The following PFKM variants were observed in gnomAD, a reference collection of about 807,000 sequenced individuals.
The protein encoded by PFKM is ATP-dependent 6-phosphofructokinase, muscle type.
Under a neutral mutation model 95.5 loss-of-function variants are expected in PFKM, and 58 were observed. The observed-to-expected ratio is 0.61, with a 90% CI of 0.49 to 0.76. The LOEUF is 0.76. PFKM is among the 30% of genes least tolerant of loss of function. The pLI is 0.00. For synonymous variants in PFKM, 336 were observed against 357.2 expected, an observed-to-expected ratio of 0.94 and a Z score of 0.67; for missense variants, 678 against 1,005.4, an observed-to-expected ratio of 0.67 and a Z score of 4.40.
rs746921666 is a variant in PFKM, at chr12:48,133,308, T to A, written c.428-7T>A. ...CCAGTGGCTCCTGGTTTGCTTCTCA[T>A]TGTCAGGTAAGATCACAGATGAGGA... On this transcript the variant is annotated splice_region_variant and splice_polypyrimidine_tract_variant and intron_variant, in intron 5 of 22. Transcript: ENST00000359794. 2.5e-6 allele frequency: 4 copies of A among 1,613,860 alleles called. No homozygotes were observed. Among genetic ancestry groups the A allele is most frequent in the Non-Finnish European group, 3.4e-6 (4 of 1,179,748 alleles).
intron 3 of PFKM, chr12:48,108,236 A>G: frequency 1.3e-6 from 2 of 1,578,232 alleles, no homozygotes; most frequent in South Asian, 1.1e-5. Context: ...TCAAAGGAAT[A>G]TGGGAAAGTG....
upstream of PFKM, chr12:48,105,617 C>G (rs1946479188): frequency 6.7e-6 from 3 of 449,922 alleles, no homozygotes; most frequent in Non-Finnish European, 1.3e-5. Flanking sequence ...GAGATGAAGC[C>G]GGTACCACAG....
rs116328073 is a variant in PFKM, at chr12:48,113,013, G to A, written c.205+4819G>A. Among the ~76,000 whole-genome samples the A allele has an allele frequency of 3.5e-3, 535 of 152,130 alleles. 6 individuals carry two copies. The highest frequency in any genetic ancestry group is 0.012 in the African/African-American group (517 of 41,464). ...GGAGATACAAGGAGAGGATATGAAG[G>A]AGACTTTGAACTGGGAAAAAAGGCA... On this transcript the variant is annotated intron_variant, in intron 3 of 24. Coordinates refer to the PFKM transcript ENST00000340802.
At position 48,122,824 on chromosome 12, in the gene PFKM, C is replaced by A; in HGVS notation, c.50C>A (p.Ala17Asp). The change falls in exon 2 of 23, where the codon GCC becomes GAC. Residue 17 changes from alanine to aspartate, a missense_variant. Coordinates refer to ENST00000359794, the MANE Select transcript of PFKM (RefSeq NM_000289.6). ...HAAKTLGIGK[A>D]IAVLTSGGDA... ...GCCAAAACCCTGGGGATTGGCAAAG[C>A]CATTGCTGTCTTAACCTCTGGTGGA... 6.2e-7 allele frequency: 1 copy of A among 1,614,088 alleles called. No homozygotes were observed. The highest frequency in any genetic ancestry group is 8.5e-7 in the Non-Finnish European group (1 of 1,179,962).
rs546265471 is a variant in PFKM at position 48,126,056 on chromosome 12, T to C, written c.85+3197T>C. ...AAACCTCTTCCCAATATGCCGTAAT[T>C]GGAGACTCCAAACTACGTGCTTATG... On this transcript the variant is annotated intron_variant, in intron 2 of 22. Transcript: ENST00000359794. Among the ~76,000 whole-genome samples, 3 of 152,320 alleles carry C rather than the reference T, an allele frequency of 2.0e-5. No individual in the cohort carries two copies. In the East Asian group the frequency reaches 5.8e-4, roughly 29 times the overall value.
intron 12 of PFKM, 158 bp downstream of exon 12, chr12:48,139,507 G>C: frequency 1.4e-6 from 1 of 690,260 alleles, no homozygotes; most frequent in South Asian, 1.6e-5. Flanking sequence ...GTTGTGAGGT[G>C]ACTGGGAGGC....
chr12:48,122,942 T>A, intron 2 of PFKM, 83 bp downstream of exon 2: 1 of 1,351,538 alleles, frequency 7.4e-7, no homozygotes, highest in East Asian at 2.3e-5. Flanking sequence ...AGAATTATTC[T>A]TCTGTAGGTT....
At position 48,139,941 on chromosome 12, in the gene PFKM, C is replaced by G. The variant is rs768218522; in HGVS notation, c.1191+29C>G. The G allele has an allele frequency of 6.2e-6, 9 of 1,462,146 alleles. 1 individual carries two copies. In the South Asian group the frequency reaches 8.0e-5, roughly 13 times the overall value. The allele number at this position is 1,462,146 out of a possible 1,614,324, so 90.6% of individuals were successfully genotyped here. On this transcript the variant is annotated intron_variant, in intron 13 of 22. Transcript: ENST00000359794. The stretch of plus-strand genomic sequence containing the variant: ...CTGGCAAGTTGACTTGCCCTCTCCC[C>G]TTTTCCTTCTCCCTCCCCCAGTCTC...
upstream of PFKM, chr12:48,105,849 G>C: frequency 1.7e-6 from 1 of 600,490 alleles, no homozygotes; most frequent in Non-Finnish European, 3.0e-6. Context: ...CGCGGCCACC[G>C]GACAGCAGGG....
chr12:48,120,217 C>T (rs1014355124), intron 1 of PFKM, among the ~76,000 whole-genome samples: 5 of 152,136 alleles, frequency 3.3e-5, no homozygotes, highest in Admixed American at 3.3e-4. Context: ...ACGCGTGTCT[C>T]TATGTTCCTT....
chr12:48,109,401 G>C (rs1363237303), intron 3 of PFKM, among the ~76,000 whole-genome samples: 1 of 143,066 alleles, frequency 7.0e-6, no homozygotes, highest in Non-Finnish European at 1.5e-5. Flanking sequence ...TTTTGCAACT[G>C]TTTGTGGTCT....
rs1225068507 is a variant in PFKM at position 48,139,842 on chromosome 12, C to T, written c.1128-7C>T. 6.3e-7 allele frequency: 1 copy of T among 1,598,578 alleles called. No homozygotes were observed. Among genetic ancestry groups the T allele is most frequent in the East Asian group, 2.2e-5 (1 of 44,832 alleles). The stretch of plus-strand genomic sequence containing the variant: ...AAGACACCTCTCTCTATTTGTACTT[C>T]CTACAGGAGCTTCATGAACAACTGG... On this transcript the variant is annotated splice_region_variant and splice_polypyrimidine_tract_variant and intron_variant, in intron 12 of 22. Coordinates refer to ENST00000359794, the MANE Select transcript of PFKM (RefSeq NM_000289.6).
upstream of PFKM, chr12:48,119,354 T>C (rs1005158572): frequency 4.1e-6 from 4 of 985,106 alleles, no homozygotes; most frequent in African/African-American, 7.0e-5. Flanking sequence ...CTCCCCCCTT[T>C]CCCAAGGACA....
intron 19 of PFKM, 66 bp from the exon 20 acceptor site, chr12:48,143,980 C>A (rs1950803350): frequency 2.4e-6 from 3 of 1,261,616 alleles, no homozygotes; most frequent in Non-Finnish European, 3.5e-6. Flanking sequence ...AAGGAAAGAA[C>A]AAAGGCAGAA....
exon 1 of PFKM, chr12:48,106,136 A>G (rs1946566250): frequency 1.4e-6 from 1 of 702,534 alleles, no homozygotes; most frequent in East Asian, 2.7e-5. Flanking sequence ...AAGAGTCGCT[A>G]GGTGGCTGAA....
chr12:48,119,856 C>G (rs1448389006), intron 1 of PFKM: 1 of 152,232 alleles, frequency 6.6e-6, no homozygotes, highest in Non-Finnish European at 1.5e-5. Flanking sequence ...CATGAGTCTG[C>G]ATGAATTTCT....
chr12:48,143,819 C>G lies in PFKM; in HGVS notation c.1880+5C>G, dbSNP rs906245963. On this transcript the variant is annotated splice_donor_5th_base_variant and intron_variant, in intron 19 of 22. Coordinates refer to ENST00000359794, the MANE Select transcript of PFKM (RefSeq NM_000289.6). ...GAAAAGGGGCTTGGTGTTAAGGTAC[C>G]TCATCCATGGTTTGTTCCTAAATGA... 7.5e-6 allele frequency: 12 copies of G among 1,605,502 alleles called. No homozygotes were observed. Among genetic ancestry groups the G allele is most frequent in the South Asian group, 3.3e-5 (3 of 90,910 alleles).
chr12:48,131,897 ATGT>A (rs1949536739), intron 4 of PFKM: 2 of 398,022 alleles, frequency 5.0e-6, no homozygotes, highest in Non-Finnish European at 4.9e-6. Flanking sequence ...TACTTGCTCC[ATGT>A]TGTTTTAGGC....
rs532189226 is a variant in PFKM, at chr12:48,142,481, A to G, written c.1654-301A>G. The stretch of plus-strand genomic sequence containing the variant: ...AAGTGTTCAGTTTCCTCACCTAGAA[A>G]TGCACCAGTACCCTGAATACCAAAT... On this transcript the variant is annotated intron_variant, in intron 17 of 22. Coordinates refer to ENST00000359794, the MANE Select transcript of PFKM (RefSeq NM_000289.6). The G allele has an allele frequency of 2.8e-4, 129 of 456,086 alleles. 1 individual carries two copies. The highest frequency in any genetic ancestry group is 9.6e-5 in the Non-Finnish European group (24 of 248,926). 28.3% of individuals were successfully genotyped at this position (456,086 alleles called of 1,614,324 possible). A position where few individuals can be genotyped will look rare whatever the true frequency, so the allele number is the denominator to read the frequency against.
Sources: allele counts gnomAD v4.1 joint callset (sites outside exome capture counted in the v4.1 genomes callset), GRCh38; gene constraint gnomAD v4.1.1; transcripts MANE v1.5; gene names NCBI Gene and HGNC (gene_info 2026-07-23, HGNC 2026-07-21).